The following TNNI3K variants were observed in gnomAD, a reference collection of about 807,000 sequenced individuals.
TNNI3K encodes TNNI3 interacting kinase, also known as serine/threonine-protein kinase TNNI3K.
Under a neutral mutation model 114.5 loss-of-function variants are expected in TNNI3K, and 140 were observed. The observed-to-expected ratio is 1.22, with a 90% confidence interval of 1.07 to 1.41. The LOEUF is 1.41. TNNI3K is among the 40% of genes most tolerant of loss of function. TNNI3K has a pLI of 0.00. For synonymous variants in TNNI3K, 347 were observed against 347.5 expected (o/e 1.00, Z 0.02); for missense variants, 1,125 against 1,007.6 (o/e 1.12, Z -1.58).
intron 23 of TNNI3K, among the ~76,000 whole-genome samples, chr1:74,530,534 C>T (rs919174655): frequency 6.6e-5 from 10 of 152,076 alleles, no homozygotes; most frequent in Non-Finnish European, 1.5e-4. Flanking sequence ...AAATAAAAAT[C>T]ATCAAATAGA....
At chr1:74,320,820 G>T (rs1659567728) in intron 5 of TNNI3K, among the ~76,000 whole-genome samples, 2 of 152,074 alleles carry the variant, frequency 1.3e-5, no homozygotes, top group Admixed American at 1.3e-4. Context: ...AAATCACTTT[G>T]GTTTTCAAAA....
chr1:74,341,726 C>G (rs548656546), intron 7 of TNNI3K: 6 of 152,294 alleles, frequency 3.9e-5, no homozygotes, highest in Admixed American at 3.9e-4. Context: ...CATCCAGAAT[C>G]ATGCCCAAAT....
chr1:74,474,431 A>G lies in TNNI3K; in HGVS notation c.2121+10881A>G, dbSNP rs143440304. On this transcript the variant is annotated intron_variant, in intron 21 of 24. Coordinates refer to ENST00000326637, the MANE Select transcript of TNNI3K (RefSeq NM_015978.3). ...CCTACCTTATAACATACGTGAAATAACATATGGTTTTATTCTTATCCAGTC... is the reference window on the plus strand; with the variant it reads ...CCTACCTTATAACATACGTGAAATAGCATATGGTTTTATTCTTATCCAGTC... Among the ~76,000 whole-genome samples, 462 of 152,238 alleles carry G rather than the reference A, an allele frequency of 3.0e-3. 1 individual carries two copies. The highest frequency in any genetic ancestry group is 0.011 in the African/African-American group (447 of 41,554).
intron 17 of TNNI3K, among the ~76,000 whole-genome samples, chr1:74,404,374 A>G (rs909551552): frequency 6.6e-6 from 1 of 152,100 alleles, no homozygotes; most frequent in Non-Finnish European, 1.5e-5. Flanking sequence ...TTGACAGCTT[A>G]ACTTTTCATA....
chr1:74,309,144 G>A (rs558213206), intron 5 of TNNI3K, among the ~76,000 whole-genome samples: 226 of 151,488 alleles, frequency 1.5e-3, no homozygotes, highest in Middle Eastern at 6.8e-3. Flanking sequence ...CGAGGTGGGC[G>A]GATCACGAGG....
Position 74,530,082 on chromosome 1 carries a change from G to C in TNNI3K, c.2352-10152G>C, listed in dbSNP as rs758043580. On this transcript the variant is annotated intron_variant, in intron 23 of 24. Transcript: ENST00000326637. ...TGGCCTCAAGAGATCCTACTGCCTTGGCCTCCCAAAGTGCTGGGATTACAA... is the reference window on the plus strand; with the variant it reads ...TGGCCTCAAGAGATCCTACTGCCTTCGCCTCCCAAAGTGCTGGGATTACAA... Among the ~76,000 whole-genome samples, 117 of 152,174 alleles carry C rather than the reference G, an allele frequency of 7.7e-4. 1 individual carries two copies. Among genetic ancestry groups the C allele is most frequent in the South Asian group, 3.3e-3 (16 of 4,816 alleles).
intron 5 of TNNI3K, among the ~76,000 whole-genome samples, chr1:74,299,386 CA>C (rs1658181682): frequency 6.7e-6 from 1 of 149,472 alleles, no homozygotes; most frequent in African/African-American, 2.5e-5. Flanking sequence ...ATTTTGCAAA[CA>C]TATATCAAAT....
chr1:74,470,240 C>T, intron 21 of TNNI3K: 1 of 400,646 alleles, frequency 2.5e-6, no homozygotes, highest in East Asian at 3.6e-5. Flanking sequence ...GAGCTTGCAT[C>T]ATGTAATATA....
At chr1:74,521,482 C>G (rs1339831726) in intron 23 of TNNI3K, among the ~76,000 whole-genome samples, 1 of 120,808 alleles carries the variant, frequency 8.3e-6, no homozygotes, top group Non-Finnish European at 2.1e-5. Flanking sequence ...CTCACACACA[C>G]ACACATGTAA....
chr1:74,431,757 A>T lies in TNNI3K; in HGVS notation c.1773-4323A>T, dbSNP rs116236439. On this transcript the variant is annotated intron_variant, in intron 17 of 24. Coordinates refer to ENST00000326637, the MANE Select transcript of TNNI3K (RefSeq NM_015978.3). ...AGCAATAAAGCCTTCTGAGCTGCTG[A>T]CACTGCAAGGTTGGCTGGGCACGCT... Among the ~76,000 whole-genome samples the T allele has an allele frequency of 7.3e-3, 1,112 of 152,246 alleles. 11 individuals carry two copies. The highest frequency in any genetic ancestry group is 0.025 in the African/African-American group (1,045 of 41,562).
chr1:74,473,626 A>C (rs2100743202), intron 21 of TNNI3K, among the ~76,000 whole-genome samples: 1 of 151,726 alleles, frequency 6.6e-6, no homozygotes, highest in South Asian at 2.1e-4. Context: ...AAGGGTGGGG[A>C]TACTCCATCT....
At chr1:74,314,787 A>G (rs987201300) in intron 5 of TNNI3K, among the ~76,000 whole-genome samples, 10 of 152,340 alleles carry the variant, frequency 6.6e-5, no homozygotes, top group South Asian at 2.1e-4. Context: ...CAATTTGGGT[A>G]GAAACATGTT....
At chr1:74,537,035 G>C (rs191659130) in intron 23 of TNNI3K, among the ~76,000 whole-genome samples, 1 of 152,180 alleles carries the variant, frequency 6.6e-6, no homozygotes, top group Admixed American at 6.5e-5. Context: ...CCATCTGTCT[G>C]TCATCCTAGA....
intron 4 of TNNI3K, among the ~76,000 whole-genome samples, chr1:74,252,711 G>A (rs549784174): frequency 2.6e-5 from 4 of 152,050 alleles, no homozygotes; most frequent in Admixed American, 1.3e-4. Flanking sequence ...AAGGCGGCAC[G>A]TCTGGAGTTG....
At chr1:74,525,981 G>A (rs551691222) in intron 23 of TNNI3K, among the ~76,000 whole-genome samples, 1 of 152,320 alleles carries the variant, frequency 6.6e-6, no homozygotes, top group East Asian at 1.9e-4. Flanking sequence ...CACAGAGGAG[G>A]AGAGGAAAGC....
intron 23 of TNNI3K, among the ~76,000 whole-genome samples, chr1:74,508,564 C>A (rs1404467769): frequency 2.0e-5 from 3 of 152,152 alleles, no homozygotes; most frequent in Non-Finnish European, 4.4e-5. Flanking sequence ...TAAAAAATAG[C>A]CCACAGGCCA....
chr1:74,368,819 A>G (rs1472247991), intron 13 of TNNI3K, among the ~76,000 whole-genome samples: 1 of 151,906 alleles, frequency 6.6e-6, no homozygotes, highest in Non-Finnish European at 1.5e-5. Flanking sequence ...AAGACATAGA[A>G]CTAACATGAT....
chr1:74,412,502 G>C (rs965824229), intron 17 of TNNI3K, among the ~76,000 whole-genome samples: 2 of 152,206 alleles, frequency 1.3e-5, no homozygotes, highest in Non-Finnish European at 2.9e-5. Context: ...GCTGCAGCCA[G>C]AGTAGGAGGT....
intron 21 of TNNI3K, chr1:74,471,646 G>A (rs1667937153): frequency 2.5e-6 from 1 of 400,708 alleles, no homozygotes; most frequent in African/African-American, 2.1e-5. Flanking sequence ...TTTCCAAGGG[G>A]TTGATATTTT....
Sources: allele counts gnomAD v4.1 joint callset (sites outside exome capture counted in the v4.1 genomes callset), GRCh38; gene constraint gnomAD v4.1.1; transcripts MANE v1.5; gene names NCBI Gene and HGNC (gene_info 2026-07-23, HGNC 2026-07-21).